CCSER1: variants seen among roughly 807,000 people sequenced by gnomAD.
The protein encoded by CCSER1 is coiled-coil serine rich protein 1, also known as serine-rich coiled-coil domain-containing protein 1.
In CCSER1, 41 loss-of-function variants were observed where a neutral mutation model predicts 82.0. That is an observed-to-expected ratio of 0.50 (90% CI 0.39 to 0.65). The LOEUF (loss-of-function observed/expected upper bound fraction) is 0.65. CCSER1 is among the 30% of genes least tolerant of loss of function. The probability of loss-of-function intolerance (pLI) is 0.00; values close to 1 mark genes in which losing one functional copy is unlikely to be tolerated. For synonymous variants in CCSER1, 414 were observed against 383.9 expected, an observed-to-expected ratio of 1.08 and a Z score of -0.92; for missense variants, 1,119 against 1,064.2, an observed-to-expected ratio of 1.05 and a Z score of -0.72.
intron 10 of CCSER1, among the ~76,000 whole-genome samples, chr4:91,556,699 G>A (rs1177996531): frequency 6.6e-6 from 1 of 151,008 alleles, no homozygotes; most frequent in Non-Finnish European, 1.5e-5. Context: ...TTTCCTGTGA[G>A]AATATTTTCT....
chr4:90,965,138 A>G (rs1021080800), intron 9 of CCSER1, among the ~76,000 whole-genome samples: 3 of 152,146 alleles, frequency 2.0e-5, no homozygotes, highest in Admixed American at 6.5e-5. Flanking sequence ...AAAAAGCCCT[A>G]TCCTATCCAC....
chr4:90,650,208 C>T (rs547346553), intron 6 of CCSER1, among the ~76,000 whole-genome samples: 1 of 150,416 alleles, frequency 6.6e-6, no homozygotes, highest in Non-Finnish European at 1.5e-5. Context: ...CTGAGCAAGA[C>T]TCCGTCTCAA....
chr4:91,154,218 C>G (rs893476379), intron 10 of CCSER1, among the ~76,000 whole-genome samples: 17 of 152,044 alleles, frequency 1.1e-4, no homozygotes, highest in African/African-American at 3.9e-4. Context: ...TGGCAAACGC[C>G]CCTCCCCCAG....
chr4:90,232,815 A>T (rs1340528687), intron 1 of CCSER1, among the ~76,000 whole-genome samples: 8 of 151,590 alleles, frequency 5.3e-5, no homozygotes, highest in Admixed American at 5.3e-4. Flanking sequence ...TGGGTGAAGG[A>T]CATGAACAGA....
At chr4:91,416,782 A>G (rs906134015) in intron 10 of CCSER1, among the ~76,000 whole-genome samples, 1 of 152,242 alleles carries the variant, frequency 6.6e-6, no homozygotes, top group Admixed American at 6.5e-5. Flanking sequence ...ACCATTCAGG[A>G]CATAGGCACT....
intron 5 of CCSER1, among the ~76,000 whole-genome samples, chr4:90,481,640 G>A (rs905600208): frequency 3.9e-5 from 6 of 152,146 alleles, no homozygotes; most frequent in African/African-American, 1.4e-4. Context: ...TGTGGTTTTT[G>A]TCATTGGTTC....
At chr4:91,399,470 C>G (rs1025212022) in intron 10 of CCSER1, among the ~76,000 whole-genome samples, 2 of 151,782 alleles carry the variant, frequency 1.3e-5, no homozygotes, top group African/African-American at 4.8e-5. Flanking sequence ...AATTTTTATC[C>G]CTATATTTTA....
chr4:91,148,606 G>T (rs1296201297), intron 10 of CCSER1, among the ~76,000 whole-genome samples: 1 of 151,968 alleles, frequency 6.6e-6, no homozygotes, highest in East Asian at 1.9e-4. Flanking sequence ...TTTACATTAG[G>T]TATATCTCCT....
chr4:90,334,994 A>G (rs1281843956), intron 3 of CCSER1, among the ~76,000 whole-genome samples: 1 of 152,190 alleles, frequency 6.6e-6, no homozygotes, highest in African/African-American at 2.4e-5. Flanking sequence ...AAGAATTTAT[A>G]AAAGTCAAAA....
intron 5 of CCSER1, among the ~76,000 whole-genome samples, chr4:90,570,034 A>G (rs577177480): frequency 6.6e-6 from 1 of 152,154 alleles, no homozygotes; most frequent in Non-Finnish European, 1.5e-5. Flanking sequence ...TCAGGACTGG[A>G]AAGCACTTCT....
intron 10 of CCSER1, among the ~76,000 whole-genome samples, chr4:91,179,665 T>C (rs913997229): frequency 6.6e-6 from 1 of 152,244 alleles, no homozygotes; most frequent in Non-Finnish European, 1.5e-5. Flanking sequence ...GGTCATTTAA[T>C]GTCTTCTGTA....
intron 5 of CCSER1, among the ~76,000 whole-genome samples, chr4:90,547,244 A>AG (rs1776876422): frequency 6.6e-6 from 1 of 151,940 alleles, no homozygotes; most frequent in Non-Finnish European, 1.5e-5. Context: ...AATAAAAAAA[A>AG]GAAAAAAAAA....
chr4:91,300,087 G>A (rs948010131), intron 10 of CCSER1, among the ~76,000 whole-genome samples: 2 of 151,936 alleles, frequency 1.3e-5, no homozygotes, highest in Admixed American at 6.6e-5. Flanking sequence ...TTCAGACTCA[G>A]GAAGTCAATA....
intron 10 of CCSER1, among the ~76,000 whole-genome samples, chr4:91,349,496 C>T (rs1172506875): frequency 6.6e-6 from 1 of 152,158 alleles, no homozygotes; most frequent in Non-Finnish European, 1.5e-5. Context: ...TGAGCCTGTG[C>T]ACCTTATAGA....
chr4:90,957,183 A>G (rs1581199492), intron 9 of CCSER1, among the ~76,000 whole-genome samples: 1 of 138,046 alleles, frequency 7.2e-6, no homozygotes, highest in Non-Finnish European at 1.5e-5. Context: ...GCTCACTGCA[A>G]CCTCTGCCTC....
chr4:90,937,504 A>ACACACACACACACACACAC lies in CCSER1; in HGVS notation c.2172+14057_2172+14058insCACACACACACACACACAC, dbSNP rs757870134. Among the ~76,000 whole-genome samples the ACACACACACACACACACAC allele has an allele frequency of 2.2e-3, 171 of 77,778 alleles. 2 individuals carry two copies. Among genetic ancestry groups the ACACACACACACACACACAC allele is most frequent in the African/African-American group, 6.3e-3 (161 of 25,366 alleles). 51.0% of individuals were successfully genotyped at this position (77,778 alleles called of 152,430 possible). A position where few individuals can be genotyped will look rare whatever the true frequency, so the allele number is the denominator to read the frequency against. ...AAACACACACACACACACACACACA[A>ACACACACACACACACACAC]ACACACACACACTGAATGGCTCAAT... On this transcript the variant is annotated intron_variant, in intron 9 of 10. Transcript: ENST00000509176.
At chr4:90,844,400 G>T (rs1216968882) in intron 8 of CCSER1, among the ~76,000 whole-genome samples, 1 of 151,966 alleles carries the variant, frequency 6.6e-6, no homozygotes, top group Non-Finnish European at 1.5e-5. Context: ...ACTAAAGAAT[G>T]AAGACATTCC....
At chr4:91,165,519 A>G (rs1367678380) in intron 10 of CCSER1, among the ~76,000 whole-genome samples, 1 of 152,204 alleles carries the variant, frequency 6.6e-6, no homozygotes, top group Non-Finnish European at 1.5e-5. Flanking sequence ...TTGTTCAGCC[A>G]TGCCCTGCTC....
chr4:91,126,025 C>T (rs920525209), intron 10 of CCSER1, among the ~76,000 whole-genome samples: 2 of 151,640 alleles, frequency 1.3e-5, no homozygotes, highest in Middle Eastern at 3.4e-3. Context: ...TCTTGATTTA[C>T]ACTCATTGTT....
Sources: gnomAD v4.1 joint callset for allele counts (sites outside exome capture counted in the v4.1 genomes callset) on GRCh38, gnomAD v4.1.1 for gene constraint, MANE v1.5 for transcripts, NCBI Gene and HGNC (gene_info 2026-07-23, HGNC 2026-07-21) for gene names.